Variants in ECE1 observed in about 807,000 individuals in gnomAD.
The protein encoded by ECE1 is endothelin converting enzyme 1.
In ECE1, 35 loss-of-function variants were observed where a neutral mutation model predicts 98.6. That is an observed-to-expected ratio of 0.35 (90% CI 0.27 to 0.47). The LOEUF (loss-of-function observed/expected upper bound fraction) is 0.47, where lower values mean the gene tolerates loss of function less well. ECE1 is among the 20% of genes least tolerant of loss of function. The pLI is 1.00. For missense variants in ECE1, 814 were observed against 1,025.3 expected (o/e 0.79, Z 2.81); for synonymous variants, 394 against 407.1 (o/e 0.97, Z 0.39).
rs1198273203 is a variant in ECE1, at chr1:21,245,074, A to G, written c.1193T>C (p.Leu398Pro). Reference sequence around the variant, plus strand: ...AAGGAAGGAGCTTGTTTTCCGCACCAGGTTCCAGATCATGTAGTTGTTGAG... The same window carrying G: ...AAGGAAGGAGCTTGTTTTCCGCACCGGGTTCCAGATCATGTAGTTGTTGAG... ...CLLNNYMIWNLVRKTSSFLDQ... is the reference protein window; with the variant it reads ...CLLNNYMIWNPVRKTSSFLDQ... The change falls in exon 10 of 19, where the codon CTG (leucine) becomes CCG (proline). Residue 398 changes from leucine to proline, a missense_variant. Leu to Pro is a moderately conservative substitution (Grantham distance 98). Coordinates refer to ENST00000374893, the MANE Select transcript of ECE1 (RefSeq NM_001397.3). 6.2e-7 allele frequency: 1 copy of G among 1,614,202 alleles called. No homozygotes were observed. Among genetic ancestry groups the G allele is most frequent in the Admixed American group, 1.7e-5 (1 of 60,030 alleles).
chr1:21,220,180 G>C lies in ECE1; in HGVS notation c.2137-49C>G. On this transcript the variant is annotated intron_variant, in intron 18 of 18. Transcript: ENST00000374893. The surrounding 1 kb of genome is among the most constrained non-coding windows in gnomAD (Gnocchi z 5.0). ...GCCAGGGTCACTGTGGGGCCCTCGG[G>C]CTGCCAGACTGCCCCCATTATAACA... 6.4e-7 allele frequency: 1 copy of C among 1,570,164 alleles called. No individual in the cohort carries two copies. Among genetic ancestry groups the C allele is most frequent in the Non-Finnish European group, 8.7e-7 (1 of 1,154,838 alleles).
At chr1:21,239,249 C>CA (rs1207474152) in intron 10 of ECE1, among the ~76,000 whole-genome samples, 2 of 152,204 alleles carry the variant, frequency 1.3e-5, no homozygotes, top group Non-Finnish European at 2.9e-5. Context: ...ACCTCCTGGG[C>CA]ATGGCCCAGG....
intron 1 of ECE1, among the ~76,000 whole-genome samples, chr1:21,300,318 T>C (rs1245026628): frequency 6.6e-6 from 1 of 152,234 alleles, no homozygotes; most frequent in Non-Finnish European, 1.5e-5. Context: ...TGTCCCTCTC[T>C]GGGGCCCATT....
At chr1:21,247,688 T>C (rs1244862088) in intron 8 of ECE1, among the ~76,000 whole-genome samples, 1 of 152,154 alleles carries the variant, frequency 6.6e-6, no homozygotes, top group African/African-American at 2.4e-5. Flanking sequence ...TTCCACCTGG[T>C]CCTCACGCGA....
intron 1 of ECE1, among the ~76,000 whole-genome samples, chr1:21,308,821 C>T (rs1396574684): frequency 6.6e-6 from 1 of 152,128 alleles, no homozygotes. Flanking sequence ...TCTCAGAGCC[C>T]CCTCCCCTTC....
chr1:21,236,506 G>A (rs528601586), intron 12 of ECE1, among the ~76,000 whole-genome samples: 19 of 152,292 alleles, frequency 1.2e-4, no homozygotes, highest in African/African-American at 4.3e-4. Flanking sequence ...AAAATTAACC[G>A]AGCGTGGTGG....
intron 4 of ECE1, among the ~76,000 whole-genome samples, chr1:21,272,436 C>A (rs573494945): frequency 6.6e-6 from 1 of 152,286 alleles, no homozygotes; most frequent in South Asian, 2.1e-4. Context: ...GGACTACAGG[C>A]GCACGCCACC....
intron 9 of ECE1, 83 bp downstream of exon 9, chr1:21,247,138 C>G (rs1312593174): frequency 6.3e-7 from 1 of 1,599,756 alleles, no homozygotes; most frequent in Non-Finnish European, 8.6e-7. Context: ...CTGAGTCAGA[C>G]TGTCATCCCC....
chr1:21,237,176 A>G (rs2098189353), intron 11 of ECE1, among the ~76,000 whole-genome samples: 1 of 152,204 alleles, frequency 6.6e-6, no homozygotes, highest in Non-Finnish European at 1.5e-5. Context: ...AGGGGAGAAG[A>G]CACAGCCTCT....
At position 21,258,393 on chromosome 1, in the gene ECE1, G is replaced by A. The variant is rs1558393176; in HGVS notation, c.762+300C>T. Among the ~76,000 whole-genome samples, 1 of 152,194 alleles carries A rather than the reference G, an allele frequency of 6.6e-6. No individual in the cohort carries two copies. Among genetic ancestry groups the A allele is most frequent in the Non-Finnish European group, 1.5e-5 (1 of 68,036 alleles). ...CCAAGAAGAGTTACAAAGAGCAGAC[G>A]CTAAGGAGGGGGAAACCAGGATGTG... On this transcript the variant is annotated intron_variant, in intron 6 of 18. Transcript: ENST00000374893. This position sits in a 1 kb window ranked among gnomAD's most constrained non-coding sequence, Gnocchi z 4.2.
intron 8 of ECE1, among the ~76,000 whole-genome samples, chr1:21,249,979 A>G (rs968988184): frequency 4.2e-5 from 6 of 143,254 alleles, no homozygotes; most frequent in Non-Finnish European, 9.0e-5. Flanking sequence ...GGGTTTTACC[A>G]TATTGGTCAG....
At chr1:21,229,431 T>C (rs552084306) in intron 14 of ECE1, among the ~76,000 whole-genome samples, 1 of 152,156 alleles carries the variant, frequency 6.6e-6, no homozygotes, top group East Asian at 1.9e-4. Context: ...TGGAACCCTG[T>C]TGGTACTTTT....
intron 1 of ECE1, among the ~76,000 whole-genome samples, chr1:21,324,374 A>C (rs1262558801): frequency 6.6e-6 from 1 of 152,308 alleles, no homozygotes; most frequent in East Asian, 1.9e-4. Context: ...GAAACCATCC[A>C]TCAGTGCGGG....
rs776094468 is a variant in ECE1, at chr1:21,319,270, G to A, written c.3+26106C>T. Among the ~76,000 whole-genome samples, 13 of 152,246 alleles carry A rather than the reference G, an allele frequency of 8.5e-5. No individual in the cohort carries two copies. Among genetic ancestry groups the A allele is most frequent in the Admixed American group, 3.3e-4 (5 of 15,302 alleles). On this transcript the variant is annotated intron_variant, in intron 1 of 18. Coordinates refer to the ECE1 transcript ENST00000415912. This position sits in a 1 kb window ranked among gnomAD's most constrained non-coding sequence, Gnocchi z 4.4. Reference sequence around the variant, plus strand: ...TGAGGTGGGACAATCGCTTGAACCCGGGAAGTGGAGGTTGCAGTGAGCCGA... The same window carrying A: ...TGAGGTGGGACAATCGCTTGAACCCAGGAAGTGGAGGTTGCAGTGAGCCGA...
chr1:21,321,953 G>A (rs1245437433), intron 1 of ECE1, among the ~76,000 whole-genome samples: 8 of 152,290 alleles, frequency 5.3e-5, no homozygotes, highest in Admixed American at 4.6e-4. Flanking sequence ...GAGGCTGAGA[G>A]AGGGAAGAAT....
At chr1:21,228,340 C>T (rs2098177174) in intron 14 of ECE1, among the ~76,000 whole-genome samples, 1 of 152,124 alleles carries the variant, frequency 6.6e-6, no homozygotes, top group African/African-American at 2.4e-5. Context: ...GCTGGAATTA[C>T]AGGCGTGAGC....
chr1:21,273,024 C>A lies in ECE1; in HGVS notation c.281-113G>T, dbSNP rs2098242179. 6.8e-6 allele frequency: 8 copies of A among 1,182,764 alleles called. No homozygotes were observed. The South Asian group carries it at 1.0e-4, about 15-fold the overall frequency. 73.3% of individuals were successfully genotyped at this position (1,182,764 alleles called of 1,614,324 possible). ...ACATGTCCCACCCTGGCCCTGACCA[C>A]ACAGATTTGGAACTGGACGGTCACT... On this transcript the variant is annotated intron_variant, in intron 3 of 18. Transcript: ENST00000374893.
In ECE1 at chr1:21,290,037, C is replaced by T. The variant is rs199865853; in HGVS notation, c.138+33G>A. 52 of 1,353,362 alleles carry T rather than the reference C, an allele frequency of 3.8e-5. 1 individual carries two copies. The African/African-American group carries it at 5.8e-4, about 15-fold the overall frequency. The allele number at this position is 1,353,362 out of a possible 1,614,324, so 83.8% of individuals were successfully genotyped here. On this transcript the variant is annotated intron_variant, in intron 2 of 18. Coordinates refer to ENST00000374893, the MANE Select transcript of ECE1 (RefSeq NM_001397.3). This position sits in a 1 kb window ranked among gnomAD's most constrained non-coding sequence, Gnocchi z 7.3. ...AGCGCGCATGCCCGGGCCCGGGGCGCCTGGACCTCGGGAGGGAGCGGAGGG... is the reference window on the plus strand; with the variant it reads ...AGCGCGCATGCCCGGGCCCGGGGCGTCTGGACCTCGGGAGGGAGCGGAGGG...
intron 1 of ECE1, among the ~76,000 whole-genome samples, chr1:21,334,324 A>G (rs1639265419): frequency 6.6e-6 from 1 of 152,210 alleles, no homozygotes; most frequent in Admixed American, 6.5e-5. Flanking sequence ...CCACACCGGA[A>G]GCCCAACAGG....
Sources: allele counts gnomAD v4.1 joint callset (sites outside exome capture counted in the v4.1 genomes callset), GRCh38; gene constraint gnomAD v4.1.1; non-coding constraint Gnocchi (gnomAD v3.1); transcripts MANE v1.5; gene names NCBI Gene and HGNC (gene_info 2026-07-23, HGNC 2026-07-21).